Variants in BID observed in about 807,000 individuals in gnomAD.
The protein encoded by BID is BH3 interacting domain death agonist.
Under a neutral mutation model 17.4 loss-of-function variants are expected in BID, and 19 were observed. The ratio of observed to expected loss-of-function variants is 1.09; its 90% CI spans 0.76 to 1.60. The LOEUF (loss-of-function observed/expected upper bound fraction) is 1.60. Among genes scored for constraint, BID ranks in the 40% most tolerant of loss-of-function variants. The probability of loss-of-function intolerance (pLI) is 0.00; values close to 1 mark genes in which losing one functional copy is unlikely to be tolerated. For synonymous variants in BID, 108 were observed against 102.8 expected (o/e 1.05, Z -0.31); for missense variants, 226 against 256.0 (o/e 0.88, Z 0.80).
chr22:17,739,650 T>C (rs2061444777), intron 3 of BID, 162 bp from the exon 4 acceptor site: 1 of 960,224 alleles, frequency 1.0e-6, no homozygotes, highest in Non-Finnish European at 1.5e-6. Flanking sequence ...GCGGGCGGGC[T>C]GAGTACCAGC....
chr22:17,737,982 C>G (rs200264082), intron 5 of BID, 35 bp downstream of exon 5: 10 of 1,606,638 alleles, frequency 6.2e-6, no homozygotes, highest in Non-Finnish European at 8.5e-6. Flanking sequence ...GCATGGGCGG[C>G]AGGCAGGGAA....
At chr22:17,745,927 T>C (rs1049772811) in intron 2 of BID, among the ~76,000 whole-genome samples, 2 of 151,698 alleles carry the variant, frequency 1.3e-5, no homozygotes, top group East Asian at 3.9e-4. Flanking sequence ...GATCGCGCCA[T>C]TGCACTCCAG....
intron 5 of BID, among the ~76,000 whole-genome samples, chr22:17,735,823 G>A (rs1404809062): frequency 2.6e-5 from 4 of 152,070 alleles, no homozygotes; most frequent in Non-Finnish European, 5.9e-5. Flanking sequence ...ACGGTGTCAG[G>A]AGGCCCCTGC....
At position 17,735,309 on chromosome 22, in the gene BID, G is replaced by C. The variant is rs1388475997; in HGVS notation, c.*271C>G. On this transcript the variant is annotated 3_prime_UTR_variant, in exon 6 of 6. Coordinates refer to ENST00000622694, the MANE Select transcript of BID (RefSeq NM_001196.4). ...CACAGTGGAAATAAAGGCACCGTGT[G>C]TAGATTTACAGATGTGCAGATTCAT... The C allele has an allele frequency of 2.1e-6, 1 of 469,948 alleles. No individual in the cohort carries two copies. Among genetic ancestry groups the C allele is most frequent in the Non-Finnish European group, 3.8e-6 (1 of 264,464 alleles). The allele number at this position is 469,948 out of a possible 1,614,324, so 29.1% of individuals were successfully genotyped here. A position where few individuals can be genotyped will look rare whatever the true frequency, so the allele number is the denominator to read the frequency against.
At position 17,734,275 on chromosome 22, in the gene BID, T is replaced by G. The variant is rs2061404877; in HGVS notation, c.*1305A>C. On this transcript the variant is annotated 3_prime_UTR_variant, in exon 6 of 6. Coordinates refer to ENST00000622694, the MANE Select transcript of BID (RefSeq NM_001196.4). ...GGTATGTATTGCATGCTGAACAATA[T>G]AGAGTTTGTTTTTCCTTTCTGATGA... 1 of 152,088 alleles carries G rather than the reference T, an allele frequency of 6.6e-6. No homozygotes were observed. The highest frequency in any genetic ancestry group is 2.1e-4 in the South Asian group (1 of 4,828). The allele number at this position is 152,088 out of a possible 1,614,324, so 9.4% of individuals were successfully genotyped here. A position where few individuals can be genotyped will look rare whatever the true frequency, so the allele number is the denominator to read the frequency against.
chr22:17,763,490 C>T (rs972798123), intron 1 of BID, among the ~76,000 whole-genome samples: 1 of 152,136 alleles, frequency 6.6e-6, no homozygotes, highest in African/African-American at 2.4e-5. Context: ...GTGATCCGCC[C>T]GCCTTGGTCT....
rs542177137 is a variant in BID at position 17,737,878 on chromosome 22, A to G, written c.576+139T>C. The G allele has an allele frequency of 8.1e-5, 73 of 897,818 alleles. No homozygotes were observed. In the African/African-American group the frequency reaches 1.2e-3, roughly 15 times the overall value. The allele number at this position is 897,818 out of a possible 1,614,324, so 55.6% of individuals were successfully genotyped here. A position where few individuals can be genotyped will look rare whatever the true frequency, so the allele number is the denominator to read the frequency against. ...TACACACAGCTTTCTAGCTCACAAC[A>G]GCAAAACCAAACCCGAGCAGGACAG... On this transcript the variant is annotated intron_variant, in intron 5 of 5. Coordinates refer to ENST00000622694, the MANE Select transcript of BID (RefSeq NM_001196.4).
chr22:17,735,270 T>TAA lies in BID; in HGVS notation c.*308_*309dup, dbSNP rs973104817. The TAA allele has an allele frequency of 4.0e-5, 12 of 298,334 alleles. No homozygotes were observed. Among genetic ancestry groups the TAA allele is most frequent in the Admixed American group, 1.9e-4 (4 of 20,650 alleles). 18.5% of individuals were successfully genotyped at this position (298,334 alleles called of 1,614,324 possible). A position where few individuals can be genotyped will look rare whatever the true frequency, so the allele number is the denominator to read the frequency against. On this transcript the variant is annotated 3_prime_UTR_variant, in exon 6 of 6. Coordinates refer to ENST00000622694, the MANE Select transcript of BID (RefSeq NM_001196.4). ...GAAACCTGCTTTCCAATTTAATTTT[T>TAA]AAGTGGGAACCTGCACAGTGGAAAT...
At chr22:17,771,719 AAG>A (rs2061721968) in intron 1 of BID, among the ~76,000 whole-genome samples, 1 of 152,126 alleles carries the variant, frequency 6.6e-6, no homozygotes, top group Non-Finnish European at 1.5e-5. Flanking sequence ...CGCAGGCAGA[AAG>A]AGAAAAGGAG....
Position 17,735,315 on chromosome 22 carries a change from T to C in BID, c.*265A>G. 76 of 450,064 alleles carry C rather than the reference T, an allele frequency of 1.7e-4. No homozygotes were observed. Among genetic ancestry groups the C allele is most frequent in the South Asian group, 6.5e-4 (18 of 27,638 alleles). The allele number at this position is 450,064 out of a possible 1,614,324, so 27.9% of individuals were successfully genotyped here. ...GGAAATAAAGGCACCGTGTGTAGAT[T>C]TACAGATGTGCAGATTCATGTGTGG... On this transcript the variant is annotated 3_prime_UTR_variant, in exon 6 of 6. Coordinates refer to ENST00000622694, the MANE Select transcript of BID (RefSeq NM_001196.4).
At chr22:17,742,254 T>G (rs1024336394) in intron 3 of BID, among the ~76,000 whole-genome samples, 2 of 149,104 alleles carry the variant, frequency 1.3e-5, no homozygotes, top group Non-Finnish European at 3.0e-5. Context: ...GGTTTCTCAG[T>G]CTAGAGGCAA....
chr22:17,742,498 C>T (rs1015383970), intron 3 of BID, among the ~76,000 whole-genome samples: 2 of 141,976 alleles, frequency 1.4e-5, no homozygotes, highest in African/African-American at 2.5e-5. Context: ...CCACCCCCAC[C>T]CCGGTCTAGT....
chr22:17,740,374 G>A (rs1190075724), intron 3 of BID: 4 of 583,898 alleles, frequency 6.9e-6, no homozygotes, highest in Non-Finnish European at 1.2e-5. Context: ...AGGAGTTAGA[G>A]GATGCAGTGA....
chr22:17,757,582 G>A (rs28513655), intron 1 of BID, among the ~76,000 whole-genome samples: 3,427 of 151,562 alleles, frequency 0.023, 116 homozygotes, highest in African/African-American at 0.079. Flanking sequence ...GGTGGCGGGC[G>A]CCTGTAATCC....
chr22:17,743,899 CG>C lies in BID; in HGVS notation c.126del (p.His42GlnfsTer31). The C allele has an allele frequency of 6.2e-7, 1 of 1,613,646 alleles. No homozygotes were observed. The highest frequency in any genetic ancestry group is 8.5e-7 in the Non-Finnish European group (1 of 1,179,994). ...SFRRELDALG[H>X]ELPVLAPQWE... is the part of the protein sequence containing the mutation. ...CACTGGGGAGCCAGCACTGGCAGCTCGTGGCCCAGTGCGTCCAGCTCTCTGC... is the reference window on the plus strand; with the variant it reads ...CACTGGGGAGCCAGCACTGGCAGCTCTGGCCCAGTGCGTCCAGCTCTCTGC... On this transcript the variant is annotated frameshift_variant, in exon 3 of 6. Coordinates refer to ENST00000622694, the MANE Select transcript of BID (RefSeq NM_001196.4). LOFTEE classifies it high-confidence loss of function.
chr22:17,749,800 A>T (rs2145889964), intron 2 of BID, among the ~76,000 whole-genome samples: 1 of 152,332 alleles, frequency 6.6e-6, no homozygotes, highest in East Asian at 1.9e-4. Flanking sequence ...TGGGACCCAC[A>T]GCCTATGGCT....
intron 1 of BID, among the ~76,000 whole-genome samples, chr22:17,758,748 G>T (rs2061612178): frequency 6.6e-6 from 1 of 152,200 alleles, no homozygotes; most frequent in Admixed American, 6.5e-5. Flanking sequence ...AGGGCTGGGG[G>T]TGGCAAGTTA....
At chr22:17,760,701 G>A (rs2061631876) in intron 1 of BID, among the ~76,000 whole-genome samples, 1 of 152,102 alleles carries the variant, frequency 6.6e-6, no homozygotes, top group Admixed American at 6.6e-5. Flanking sequence ...CGCTGGGGTG[G>A]TCTGAGAGCC....
chr22:17,751,769 G>T (rs372655), intron 1 of BID, among the ~76,000 whole-genome samples: 1 of 152,108 alleles, frequency 6.6e-6, no homozygotes, highest in East Asian at 1.9e-4. Context: ...GTGTGTGGCC[G>T]TGCATTTCAT....
Sources: allele counts gnomAD v4.1 joint callset (sites outside exome capture counted in the v4.1 genomes callset), GRCh38; gene constraint gnomAD v4.1.1; transcripts MANE v1.5; gene names NCBI Gene and HGNC (gene_info 2026-07-23, HGNC 2026-07-21).